The following HECA variants were observed in gnomAD, a reference collection of about 807,000 sequenced individuals.
The protein encoded by HECA is headcase protein homolog.
A neutral mutation model predicts 37.6 loss-of-function variants in HECA; 13 were observed. That is an observed-to-expected ratio of 0.35 (90% CI 0.23 to 0.55). The LOEUF (loss-of-function observed/expected upper bound fraction) is 0.55, where lower values mean the gene tolerates loss of function less well. Ranked by LOEUF, HECA falls within the 20% of genes least tolerant of loss-of-function variation. HECA has a pLI of 0.90. For missense variants in HECA, 527 were observed against 701.9 expected, an observed-to-expected ratio of 0.75 and a Z score of 2.82; for synonymous variants, 307 against 291.5, an observed-to-expected ratio of 1.05 and a Z score of -0.54.
chr6:139,161,102 G>A (rs1160685540), intron 1 of HECA, among the ~76,000 whole-genome samples: 8 of 152,074 alleles, frequency 5.3e-5, no homozygotes, highest in Admixed American at 3.9e-4. Context: ...TGTTTGAACC[G>A]AGCCTTGAAG....
At chr6:139,173,168 G>A (rs1210103209) in intron 2 of HECA, among the ~76,000 whole-genome samples, 1 of 152,206 alleles carries the variant, frequency 6.6e-6, no homozygotes, top group African/African-American at 2.4e-5. Flanking sequence ...CAATGCCGTA[G>A]AGCAGAGGTG....
At chr6:139,140,002 A>G (rs1774494702) in intron 1 of HECA, among the ~76,000 whole-genome samples, 2 of 152,254 alleles carry the variant, frequency 1.3e-5, no homozygotes, top group South Asian at 2.1e-4. Flanking sequence ...CAGTGTTTCC[A>G]TGGGAAAACG....
At chr6:139,167,568 A>G (rs1322716466) in intron 2 of HECA, among the ~76,000 whole-genome samples, 1 of 152,092 alleles carries the variant, frequency 6.6e-6, no homozygotes, top group Non-Finnish European at 1.5e-5. Flanking sequence ...TGAAGAAAGG[A>G]TTGCCGGTGT....
At chr6:139,152,741 TA>T (rs1257144680) in intron 1 of HECA, among the ~76,000 whole-genome samples, 1 of 152,236 alleles carries the variant, frequency 6.6e-6, no homozygotes. Context: ...TTAGTGTCTT[TA>T]TTTTTAGTAG....
chr6:139,138,127 T>TTTTC (rs747861663), intron 1 of HECA, among the ~76,000 whole-genome samples: 3 of 152,194 alleles, frequency 2.0e-5, no homozygotes, highest in Non-Finnish European at 4.4e-5. Context: ...TTTTCTTTTC[T>TTTTC]TTTCTTTCTT....
intron 2 of HECA, among the ~76,000 whole-genome samples, chr6:139,172,793 T>A (rs776655445): frequency 2.0e-5 from 3 of 152,212 alleles, no homozygotes; most frequent in Non-Finnish European, 4.4e-5. Context: ...TCTGTAAGCC[T>A]CACTTCCTAC....
intron 2 of HECA, among the ~76,000 whole-genome samples, chr6:139,171,195 C>T (rs970114699): frequency 2.6e-5 from 4 of 151,448 alleles, no homozygotes; most frequent in Non-Finnish European, 5.9e-5. Flanking sequence ...GGTTAAAATC[C>T]TAAGGGTGGA....
intron 1 of HECA, among the ~76,000 whole-genome samples, chr6:139,159,601 G>T (rs1352278588): frequency 2.0e-5 from 3 of 152,210 alleles, no homozygotes; most frequent in African/African-American, 7.2e-5. Flanking sequence ...GAGCTCTGCA[G>T]CTGCCTCCCC....
chr6:139,163,017 T>C (rs1774828684), intron 1 of HECA, among the ~76,000 whole-genome samples: 1 of 152,226 alleles, frequency 6.6e-6, no homozygotes. Context: ...CCTCACTGTC[T>C]ACCTCTGACC....
At position 139,178,937 on chromosome 6, in the gene HECA, A is replaced by G. The variant is rs774742287; in HGVS notation, c.*1832A>G. On this transcript the variant is annotated 3_prime_UTR_variant, in exon 4 of 4. Transcript: ENST00000367658. ...GAAACAATACAGCATTAAAGAACCA[A>G]TGTTATTCACTAATATCATTCATCT... 2.0e-5 allele frequency: 3 copies of G among 152,170 alleles called. No homozygotes were observed. The highest frequency in any genetic ancestry group is 6.5e-5 in the Admixed American group (1 of 15,274). The allele number at this position is 152,170 out of a possible 1,614,324, so 9.4% of individuals were successfully genotyped here.
At position 139,179,357 on chromosome 6, in the gene HECA, A is replaced by G. The variant is rs1775101671; in HGVS notation, c.*2252A>G. On this transcript the variant is annotated 3_prime_UTR_variant, in exon 4 of 4. Coordinates refer to ENST00000367658, the MANE Select transcript of HECA (RefSeq NM_016217.3). ...TTGTTCTGAAGCTTACAATTGACCT[A>G]TACATTGCATTCAGCAAGCTCCTGA... 2 of 152,314 alleles carry G rather than the reference A, an allele frequency of 1.3e-5. No individual in the cohort carries two copies. The highest frequency in any genetic ancestry group is 2.1e-4 in the South Asian group (1 of 4,826). The allele number at this position is 152,314 out of a possible 1,614,324, so 9.4% of individuals were successfully genotyped here. A position where few individuals can be genotyped will look rare whatever the true frequency, so the allele number is the denominator to read the frequency against.
intron 1 of HECA, among the ~76,000 whole-genome samples, chr6:139,157,460 T>C (rs1375788381): frequency 6.6e-6 from 1 of 152,238 alleles, no homozygotes; most frequent in Admixed American, 6.5e-5. Context: ...TACTTATTTG[T>C]CTGACACTGA....
chr6:139,175,720 G>A (rs192104479), intron 3 of HECA, among the ~76,000 whole-genome samples: 56 of 152,288 alleles, frequency 3.7e-4, no homozygotes, highest in Non-Finnish European at 6.9e-4. Flanking sequence ...AGCCATGACT[G>A]CACCGTGTGA....
chr6:139,146,680 T>C (rs1388617361), intron 1 of HECA, among the ~76,000 whole-genome samples: 2 of 152,144 alleles, frequency 1.3e-5, no homozygotes, highest in Non-Finnish European at 1.5e-5. Context: ...CCAGAAGCCA[T>C]GAAGAGGGCC....
At chr6:139,151,437 CAG>C (rs1230548739) in intron 1 of HECA, among the ~76,000 whole-genome samples, 4 of 147,044 alleles carry the variant, frequency 2.7e-5, no homozygotes, top group Middle Eastern at 3.4e-3. Context: ...TTTAACTAAA[CAG>C]AATGCAGGCA....
In HECA at chr6:139,179,429, T is replaced by C. The variant is rs1484587662; in HGVS notation, c.*2324T>C. The C allele has an allele frequency of 2.0e-5, 3 of 152,190 alleles. No homozygotes were observed. Among genetic ancestry groups the C allele is most frequent in the African/African-American group, 7.2e-5 (3 of 41,452 alleles). The allele number at this position is 152,190 out of a possible 1,614,324, so 9.4% of individuals were successfully genotyped here. A position where few individuals can be genotyped will look rare whatever the true frequency, so the allele number is the denominator to read the frequency against. The stretch of plus-strand genomic sequence containing the variant: ...AGTGTATGCTGTGTTCCATGTTGCC[T>C]TTTTAGATGGCTTTCTACCCCCTGA... On this transcript the variant is annotated 3_prime_UTR_variant, in exon 4 of 4. Coordinates refer to ENST00000367658, the MANE Select transcript of HECA (RefSeq NM_016217.3).
intron 1 of HECA, among the ~76,000 whole-genome samples, chr6:139,157,283 T>C (rs1774730690): frequency 6.6e-6 from 1 of 152,190 alleles, no homozygotes. Context: ...TGCAATCTGT[T>C]TTTATCAGCA....
At chr6:139,153,415 A>C (rs1323097858) in intron 1 of HECA, among the ~76,000 whole-genome samples, 2 of 152,104 alleles carry the variant, frequency 1.3e-5, no homozygotes, top group Non-Finnish European at 1.5e-5. Context: ...CCATTTAAAA[A>C]ATAATGTAAT....
chr6:139,152,851 A>AT (rs1469264800), intron 1 of HECA, among the ~76,000 whole-genome samples: 1 of 152,134 alleles, frequency 6.6e-6, no homozygotes, highest in Non-Finnish European at 1.5e-5. Flanking sequence ...GATTCTTTAA[A>AT]TTTCTTTTTA....
Sources: allele counts gnomAD v4.1 joint callset (sites outside exome capture counted in the v4.1 genomes callset), GRCh38; gene constraint gnomAD v4.1.1; transcripts MANE v1.5; gene names NCBI Gene and HGNC (gene_info 2026-07-23, HGNC 2026-07-21).